The following SNTG1 variants were observed in gnomAD, a reference collection of about 807,000 sequenced individuals.
SNTG1 encodes syntrophin gamma 1.
In SNTG1, 39 loss-of-function variants were observed where a neutral mutation model predicts 74.7. The observed-to-expected ratio is 0.52, with a 90% CI of 0.40 to 0.68. SNTG1 has a LOEUF of 0.68. Among genes scored for constraint, SNTG1 ranks in the 30% least tolerant of loss-of-function variants. SNTG1 has a pLI of 0.00. For missense variants in SNTG1, 685 were observed against 609.5 expected, an observed-to-expected ratio of 1.12 and a Z score of -1.30; for synonymous variants, 254 against 217.1, an observed-to-expected ratio of 1.17 and a Z score of -1.49.
At chr8:50,270,250 C>T (rs1375948) in intron 2 of SNTG1, among the ~76,000 whole-genome samples, 72,760 of 151,928 alleles carry the variant, frequency 0.48, 19,628 homozygotes, top group East Asian at 0.83. Context: ...TATAGAGTGA[C>T]AGACGCTATT....
chr8:50,144,454 G>A (rs778354416), intron 1 of SNTG1, among the ~76,000 whole-genome samples: 2 of 152,196 alleles, frequency 1.3e-5, no homozygotes, highest in Non-Finnish European at 2.9e-5. Context: ...TTACAATGAG[G>A]AGGAGCCAGC....
intron 18 of SNTG1, among the ~76,000 whole-genome samples, chr8:50,791,823 T>TAA (rs2095691401): frequency 6.6e-6 from 1 of 151,866 alleles, no homozygotes; most frequent in Non-Finnish European, 1.5e-5. Context: ...ATCTTGAAAT[T>TAA]AAGACATGTT....
At chr8:50,138,145 T>TGTGA (rs1196161252) in intron 1 of SNTG1, among the ~76,000 whole-genome samples, 3 of 152,046 alleles carry the variant, frequency 2.0e-5, no homozygotes, top group African/African-American at 7.2e-5. Flanking sequence ...ATGACATTAG[T>TGTGA]GTGAGGACTT....
rs376527581 is a variant in SNTG1, at chr8:50,520,806, G to A, written c.467-9371G>A. Among the ~76,000 whole-genome samples the A allele has an allele frequency of 2.6e-4, 39 of 152,054 alleles. 1 individual carries two copies. Among genetic ancestry groups the A allele is most frequent in the Non-Finnish European group, 4.6e-4 (31 of 67,976 alleles). On this transcript the variant is annotated intron_variant, in intron 9 of 18. Transcript: ENST00000642720. ...GGAGAGGATTTGGAGAAATAGGAAC[G>A]CTTTTACACTGTTGGTGGGAGTGTA...
chr8:50,116,146 C>T (rs563813983), intron 1 of SNTG1, among the ~76,000 whole-genome samples: 119 of 152,134 alleles, frequency 7.8e-4, no homozygotes, highest in African/African-American at 2.3e-3. Context: ...AAAGAAAATA[C>T]GCTATAGGCA....
intron 1 of SNTG1, among the ~76,000 whole-genome samples, chr8:50,066,585 C>T (rs1820917694): frequency 6.6e-6 from 1 of 152,084 alleles, no homozygotes; most frequent in African/African-American, 2.4e-5. Context: ...TATGCTATAG[C>T]AATGAAAATG....
Position 49,917,407 on chromosome 8 carries a change from A to T in SNTG1, c.-103+5176A>T, listed in dbSNP as rs79154912. On this transcript the variant is annotated intron_variant, in intron 1 of 18. Coordinates refer to ENST00000642720, the MANE Select transcript of SNTG1 (RefSeq NM_018967.5). Reference sequence around the variant, plus strand: ...TACATGGGATTTAGAATCAGACTTAAGTTCGAATCCTGTTATAGAAATGGC... The same window carrying T: ...TACATGGGATTTAGAATCAGACTTATGTTCGAATCCTGTTATAGAAATGGC... Among the ~76,000 whole-genome samples the T allele has an allele frequency of 4.1e-3, 630 of 152,276 alleles. 3 individuals carry two copies. Among genetic ancestry groups the T allele is most frequent in the African/African-American group, 0.014 (600 of 41,560 alleles).
intron 8 of SNTG1, among the ~76,000 whole-genome samples, chr8:50,463,496 T>A (rs575186257): frequency 6.6e-6 from 1 of 152,262 alleles, no homozygotes; most frequent in African/African-American, 2.4e-5. Flanking sequence ...TTATTTTACA[T>A]CTCCATTAGG....
chr8:50,006,907 GGTGTTTCCCACA>G, intron 1 of SNTG1, among the ~76,000 whole-genome samples: 1 of 152,260 alleles, frequency 6.6e-6, no homozygotes, highest in Non-Finnish European at 1.5e-5. Flanking sequence ...CACCTTTGCA[GGTGTTTCCCACA>G]GTGTGATATC....
intron 2 of SNTG1, among the ~76,000 whole-genome samples, chr8:50,390,550 T>G (rs920333503): frequency 1.3e-5 from 2 of 152,186 alleles, no homozygotes; most frequent in Admixed American, 6.5e-5. Context: ...TTGGCAATGC[T>G]GGCTCTTGTT....
intron 2 of SNTG1, among the ~76,000 whole-genome samples, chr8:50,348,610 C>G (rs2091554715): frequency 6.6e-6 from 1 of 152,108 alleles, no homozygotes; most frequent in East Asian, 1.9e-4. Context: ...ATCAGAAATC[C>G]CTTCCTTGAT....
At chr8:50,289,277 T>C (rs1438009355) in intron 2 of SNTG1, among the ~76,000 whole-genome samples, 1 of 152,204 alleles carries the variant, frequency 6.6e-6, no homozygotes, top group East Asian at 1.9e-4. Flanking sequence ...CTAGATAATT[T>C]ATCAAGTTTA....
At chr8:49,938,443 A>C (rs765251518) in intron 1 of SNTG1, among the ~76,000 whole-genome samples, 1 of 152,170 alleles carries the variant, frequency 6.6e-6, no homozygotes, top group Non-Finnish European at 1.5e-5. Context: ...AATCATCACT[A>C]CATAGACAGG....
rs185081350 is a variant in SNTG1 at position 50,013,488 on chromosome 8, T to C, written c.-103+101257T>C. ...AGAGATAGATAGATAGATAGATAGATAGATAGATAGATAGATAGAGATATA... is the reference window on the plus strand; with the variant it reads ...AGAGATAGATAGATAGATAGATAGACAGATAGATAGATAGATAGAGATATA... On this transcript the variant is annotated intron_variant, in intron 1 of 18. Transcript: ENST00000642720. 8.5e-3 allele frequency among the ~76,000 whole-genome samples: 1,291 copies of C among 151,782 alleles called. 11 individuals carry two copies. The highest frequency in any genetic ancestry group is 0.014 in the Non-Finnish European group (966 of 67,912).
Position 50,730,978 on chromosome 8 carries a change from A to T in SNTG1, c.1285-21023A>T, listed in dbSNP as rs183202196. Reference sequence around the variant, plus strand: ...TTTACACTCACCTTTAAAGTAGAATAGTCAGACATTATTACTTCTAATTTA... The same window carrying T: ...TTTACACTCACCTTTAAAGTAGAATTGTCAGACATTATTACTTCTAATTTA... On this transcript the variant is annotated intron_variant, in intron 17 of 18. Coordinates refer to ENST00000642720, the MANE Select transcript of SNTG1 (RefSeq NM_018967.5). 4.1e-4 allele frequency among the ~76,000 whole-genome samples: 62 copies of T among 152,338 alleles called. 1 individual carries two copies. Among genetic ancestry groups the T allele is most frequent in the Admixed American group, 2.2e-3 (34 of 15,284 alleles).
chr8:50,572,258 T>TTATTTATA (rs1554577782), intron 12 of SNTG1, among the ~76,000 whole-genome samples: 11 of 93,122 alleles, frequency 1.2e-4, no homozygotes, highest in Non-Finnish European at 1.7e-4. Context: ...ATCACCTATT[T>TTATTTATA]TATATATATA....
intron 15 of SNTG1, among the ~76,000 whole-genome samples, chr8:50,689,112 CTT>C (rs1285582632): frequency 1.7e-4 from 25 of 146,544 alleles, no homozygotes; most frequent in Admixed American, 6.2e-4. Context: ...TATCCTGAGA[CTT>C]TGCTGAAGTT....
At chr8:50,012,728 G>A (rs1277797047) in intron 1 of SNTG1, among the ~76,000 whole-genome samples, 2 of 152,100 alleles carry the variant, frequency 1.3e-5, no homozygotes, top group Non-Finnish European at 2.9e-5. Context: ...GACAAAAGGG[G>A]AGCTGTGGGC....
intron 2 of SNTG1, among the ~76,000 whole-genome samples, chr8:50,283,510 G>C (rs1289540350): frequency 6.6e-6 from 1 of 152,140 alleles, no homozygotes; most frequent in East Asian, 1.9e-4. Flanking sequence ...AGGAAATATA[G>C]GAATATGGAA....
Sources: gnomAD v4.1 joint callset for allele counts (sites outside exome capture counted in the v4.1 genomes callset) on GRCh38, gnomAD v4.1.1 for gene constraint, MANE v1.5 for transcripts, NCBI Gene and HGNC (gene_info 2026-07-23, HGNC 2026-07-21) for gene names.